Variants in ATP6V0A4 observed in about 807,000 individuals in gnomAD.
The protein encoded by ATP6V0A4 is V-type proton ATPase 116 kDa subunit a 4.
In ATP6V0A4, 86 loss-of-function variants were observed where a neutral mutation model predicts 107.3. The observed-to-expected ratio is 0.80, with a 90% confidence interval of 0.67 to 0.96. ATP6V0A4 has a LOEUF of 0.96. ATP6V0A4 is among the 40% of genes least tolerant of loss of function. The pLI, the probability that ATP6V0A4 is intolerant of heterozygous loss-of-function variation, is 0.00. For synonymous variants in ATP6V0A4, 353 were observed against 381.4 expected, an observed-to-expected ratio of 0.93 and a Z score of 0.87; for missense variants, 908 against 1,045.6, an observed-to-expected ratio of 0.87 and a Z score of 1.81.
chr7:138,776,921 A>G (rs527679874), intron 2 of ATP6V0A4, among the ~76,000 whole-genome samples: 1 of 151,334 alleles, frequency 6.6e-6, no homozygotes, highest in African/African-American at 2.4e-5. Context: ...CTGAGGCAGG[A>G]GGATCACTTT....
chr7:138,710,478 C>T (rs1015139505), intron 20 of ATP6V0A4, among the ~76,000 whole-genome samples: 5 of 152,130 alleles, frequency 3.3e-5, no homozygotes, highest in African/African-American at 9.7e-5. Context: ...CGTAAGCCAC[C>T]GCGCCCAGCC....
chr7:138,711,488 A>C (rs962997972), intron 20 of ATP6V0A4, among the ~76,000 whole-genome samples: 2 of 151,878 alleles, frequency 1.3e-5, no homozygotes, highest in African/African-American at 4.8e-5. Context: ...CCCCTGCTAA[A>C]AGGTCACAAT....
chr7:138,770,913 G>A (rs1807346593), intron 3 of ATP6V0A4, among the ~76,000 whole-genome samples: 1 of 152,050 alleles, frequency 6.6e-6, no homozygotes, highest in Non-Finnish European at 1.5e-5. Flanking sequence ...TTCCTATAGA[G>A]GAGACAGGCA....
Position 138,749,275 on chromosome 7 carries a change from G to A in ATP6V0A4, c.1072C>T (p.Gln358Ter), listed in dbSNP as rs1226218405. ...SSMAPIMTTVQSKTAPPTFNR... is the reference protein window; with the variant it reads ...SSMAPIMTTV ...AATGTGGGAGGGGCTGTTTTAGATT[G>A]CACTGTGGTCATGATGGGGGCCATG... The change falls in exon 12 of 22, where the codon CAA (glutamine) becomes TAA (stop). Residue 358 changes from glutamine (Q) to a stop codon, truncating the protein, a stop_gained. Coordinates refer to ENST00000310018, the MANE Select transcript of ATP6V0A4 (RefSeq NM_020632.3). LOFTEE classifies it high-confidence loss of function. 18 of 1,611,756 alleles carry A rather than the reference G, an allele frequency of 1.1e-5. No homozygotes were observed. The highest frequency in any genetic ancestry group is 1.5e-5 in the Non-Finnish European group (18 of 1,179,006).
In ATP6V0A4 at chr7:138,771,280, A is replaced by G; in HGVS notation, c.-17-16T>C. On this transcript the variant is annotated splice_polypyrimidine_tract_variant and intron_variant, in intron 2 of 21. Coordinates refer to ENST00000310018, the MANE Select transcript of ATP6V0A4 (RefSeq NM_020632.3). The stretch of plus-strand genomic sequence containing the variant: ...CAGCCTCGGTCTACAGGAGAAAAAG[A>G]AAAAGATATTAATATTTAAGGTAAT... 1 of 1,611,288 alleles carries G rather than the reference A, an allele frequency of 6.2e-7. No individual in the cohort carries two copies. The highest frequency in any genetic ancestry group is 8.5e-7 in the Non-Finnish European group (1 of 1,177,728).
chr7:138,724,814 A>C (rs1169866701), intron 18 of ATP6V0A4, among the ~76,000 whole-genome samples: 5 of 152,210 alleles, frequency 3.3e-5, no homozygotes, highest in Non-Finnish European at 7.3e-5. Flanking sequence ...GAACATGAAT[A>C]ATTTTGTAGA....
At chr7:138,786,848 A>G (rs1465829295) in intron 1 of ATP6V0A4, among the ~76,000 whole-genome samples, 12 of 152,148 alleles carry the variant, frequency 7.9e-5, no homozygotes, top group Non-Finnish European at 1.3e-4. Context: ...CTTTTCTATA[A>G]TAATATTTAC....
intron 21 of ATP6V0A4, among the ~76,000 whole-genome samples, chr7:138,708,168 C>T (rs1463140589): frequency 1.3e-5 from 2 of 151,976 alleles, no homozygotes; most frequent in East Asian, 1.9e-4. Flanking sequence ...TCTCCTGCCT[C>T]AGCCCCTTGA....
intron 2 of ATP6V0A4, among the ~76,000 whole-genome samples, chr7:138,772,283 C>T (rs1563014314): frequency 6.6e-6 from 1 of 152,112 alleles, no homozygotes; most frequent in East Asian, 1.9e-4. Flanking sequence ...AACAGATGAA[C>T]AAGAATGTTT....
chr7:138,709,928 G>T, intron 20 of ATP6V0A4, 133 bp from the exon 21 acceptor site: 1 of 1,058,422 alleles, frequency 9.4e-7, no homozygotes, highest in South Asian at 1.9e-5. Context: ...TGCCTAGGAT[G>T]GTCTCCAACT....
intron 2 of ATP6V0A4, among the ~76,000 whole-genome samples, chr7:138,777,025 T>C (rs1482161376): frequency 6.6e-6 from 1 of 151,950 alleles, no homozygotes; most frequent in Non-Finnish European, 1.5e-5. Flanking sequence ...GGCGTGTGCC[T>C]GTAATCCCAG....
intron 2 of ATP6V0A4, among the ~76,000 whole-genome samples, chr7:138,778,440 A>G (rs941391761): frequency 7.3e-5 from 11 of 150,518 alleles, no homozygotes; most frequent in Middle Eastern, 3.4e-3. Context: ...ATATATATAT[A>G]TATATATATG....
At chr7:138,777,630 A>AT (rs1480540930) in intron 2 of ATP6V0A4, among the ~76,000 whole-genome samples, 2,800 of 142,252 alleles carry the variant, frequency 0.02, 86 homozygotes, top group African/African-American at 0.074. Context: ...AAAAAAAAAA[A>AT]AATACACACA....
chr7:138,762,596 C>A (rs1806879988), intron 6 of ATP6V0A4, 162 bp from the exon 7 acceptor site: 1 of 853,530 alleles, frequency 1.2e-6, no homozygotes, highest in Non-Finnish European at 1.4e-6. Context: ...CAAAAAGCTT[C>A]CCTGGTCTTT....
At chr7:138,754,668 G>C (rs1806418208) in intron 10 of ATP6V0A4, among the ~76,000 whole-genome samples, 1 of 151,780 alleles carries the variant, frequency 6.6e-6, no homozygotes, top group African/African-American at 2.4e-5. Context: ...TGTTGCCCAG[G>C]CTGGAGTGCA....
At chr7:138,763,609 C>T (rs1371296404) in intron 5 of ATP6V0A4, among the ~76,000 whole-genome samples, 1 of 152,004 alleles carries the variant, frequency 6.6e-6, no homozygotes, top group Non-Finnish European at 1.5e-5. Flanking sequence ...GCCTGGGCGA[C>T]AGAGCAAGAC....
intron 20 of ATP6V0A4, among the ~76,000 whole-genome samples, chr7:138,710,528 T>C (rs1222288576): frequency 6.6e-6 from 1 of 152,208 alleles, no homozygotes; most frequent in Non-Finnish European, 1.5e-5. Context: ...ACATGAGTGT[T>C]TGCTTTACAA....
intron 20 of ATP6V0A4, among the ~76,000 whole-genome samples, chr7:138,710,714 G>A (rs867597863): frequency 2.0e-5 from 3 of 152,192 alleles, no homozygotes; most frequent in Non-Finnish European, 4.4e-5. Context: ...CACAGGAGGT[G>A]AATTCAGCCT....
rs781150700 is a variant in ATP6V0A4, at chr7:138,762,972, C to T, written c.345G>A (p.Gln115=). ...GELQEANQNQ[Q]ALKQSFLELT... is the part of the protein sequence containing the mutation. ...GTTCTAGGAAGCTTTGTTTCAAGGC[C>T]TGCTGGTTCTGGTTGGCTTCCTGTA... The change falls in exon 6 of 22, where the codon CAG becomes CAA. Residue 115 remains glutamine, a synonymous_variant. Coordinates refer to ENST00000310018, the MANE Select transcript of ATP6V0A4 (RefSeq NM_020632.3). 1.4e-5 allele frequency: 23 copies of T among 1,614,130 alleles called. No homozygotes were observed. In the Admixed American group the frequency reaches 3.7e-4, roughly 26 times the overall value.
Sources: gnomAD v4.1 joint callset for allele counts (sites outside exome capture counted in the v4.1 genomes callset) on GRCh38, gnomAD v4.1.1 for gene constraint, MANE v1.5 for transcripts, NCBI Gene and HGNC (gene_info 2026-07-23, HGNC 2026-07-21) for gene names.